Variants in ZFPM2 observed in about 807,000 individuals in gnomAD.
The protein encoded by ZFPM2 is zinc finger protein ZFPM2.
Under a neutral mutation model 98.6 loss-of-function variants are expected in ZFPM2, and 20 were observed. The ratio of observed to expected loss-of-function variants is 0.20; its 90% confidence interval spans 0.14 to 0.29. ZFPM2 has a LOEUF of 0.29. ZFPM2 is among the 10% of genes least tolerant of loss of function. ZFPM2 has a pLI of 1.00. For synonymous variants in ZFPM2, 518 were observed against 502.7 expected, an observed-to-expected ratio of 1.03 and a Z score of -0.41; for missense variants, 1,310 against 1,388.6, an observed-to-expected ratio of 0.94 and a Z score of 0.90.
Position 105,801,440 on chromosome 8 carries a change from G to A in ZFPM2, c.1358G>A (p.Arg453Lys), listed in dbSNP as rs181764739. ...ACTCAGCTCTTTCTCACGAACCAGA[G>A]ACCAGAGATACAGCCTACAACAAAT... The part of the protein sequence containing the change: ...KKTQLFLTNQ[R>K]PEIQPTTNKQ... Residue 453 changes from arginine to lysine, a missense_variant, in exon 8 of 8, where the codon AGA (arginine) becomes AAA (lysine). Transcript: ENST00000407775. 3.1e-6 allele frequency: 5 copies of A among 1,613,848 alleles called. No individual in the cohort carries two copies. The highest frequency in any genetic ancestry group is 4.5e-5 in the East Asian group (2 of 44,864).
At chr8:105,542,926 G>A (rs1814611297) in intron 3 of ZFPM2, among the ~76,000 whole-genome samples, 1 of 152,088 alleles carries the variant, frequency 6.6e-6, no homozygotes, top group South Asian at 2.1e-4. Flanking sequence ...GTGTGTGAAT[G>A]TATGTGCATG....
intron 4 of ZFPM2, among the ~76,000 whole-genome samples, chr8:105,573,615 A>G (rs1815402865): frequency 6.6e-6 from 1 of 152,224 alleles, no homozygotes; most frequent in Admixed American, 6.5e-5. Context: ...CACATCTGTG[A>G]TCAGTGGCTT....
intron 4 of ZFPM2, among the ~76,000 whole-genome samples, chr8:105,608,691 T>C (rs928150670): frequency 6.6e-6 from 1 of 150,622 alleles, no homozygotes; most frequent in African/African-American, 2.4e-5. Context: ...ACATGTTGAA[T>C]TTGAAATTAT....
chr8:105,800,671 G>T (rs1813973260), intron 7 of ZFPM2, among the ~76,000 whole-genome samples: 2 of 152,100 alleles, frequency 1.3e-5, no homozygotes, highest in Non-Finnish European at 2.9e-5. Context: ...AGAGGCTAAT[G>T]TTATAGTGAG....
intron 1 of ZFPM2, among the ~76,000 whole-genome samples, chr8:105,370,023 T>C (rs776817599): frequency 2.6e-5 from 4 of 152,184 alleles, no homozygotes; most frequent in African/African-American, 4.8e-5. Context: ...GAATAATTTA[T>C]AGTAATATGT....
chr8:105,791,384 G>A (rs1048323976), intron 6 of ZFPM2, among the ~76,000 whole-genome samples: 49 of 152,122 alleles, frequency 3.2e-4, no homozygotes, highest in African/African-American at 1.1e-3. Flanking sequence ...TTATATGCTG[G>A]ATTACATTTA....
chr8:105,674,148 G>A (rs1817646759), intron 5 of ZFPM2, among the ~76,000 whole-genome samples: 1 of 152,140 alleles, frequency 6.6e-6, no homozygotes, highest in African/African-American at 2.4e-5. Flanking sequence ...AAATAATACA[G>A]CAGTTTTCCT....
chr8:105,399,842 C>T (rs761524699), intron 1 of ZFPM2, among the ~76,000 whole-genome samples: 28 of 151,924 alleles, frequency 1.8e-4, no homozygotes, highest in Admixed American at 2.6e-4. Context: ...CTCGGCTCAC[C>T]GCAACCTGTG....
chr8:105,800,631 C>T (rs1360111678), intron 7 of ZFPM2, among the ~76,000 whole-genome samples: 10 of 152,052 alleles, frequency 6.6e-5, no homozygotes, highest in Non-Finnish European at 1.2e-4. Flanking sequence ...TCAATAGCAA[C>T]CCTAATGAAT....
intron 1 of ZFPM2, among the ~76,000 whole-genome samples, chr8:105,415,887 C>G (rs1811670921): frequency 1.3e-5 from 2 of 152,052 alleles, no homozygotes; most frequent in Non-Finnish European, 2.9e-5. Flanking sequence ...AGTTGGTCAT[C>G]AAATGACCTT....
chr8:105,386,520 C>T (rs1340153633), intron 1 of ZFPM2, among the ~76,000 whole-genome samples: 1 of 152,002 alleles, frequency 6.6e-6, no homozygotes, highest in Non-Finnish European at 1.5e-5. Context: ...TGTGTTCAGC[C>T]TTCTGGTGGG....
intron 3 of ZFPM2, among the ~76,000 whole-genome samples, chr8:105,507,628 A>C (rs2130495097): frequency 6.6e-6 from 1 of 152,376 alleles, no homozygotes; most frequent in Middle Eastern, 3.4e-3. Flanking sequence ...ACAATGAAGT[A>C]GCTTTTATTG....
intron 5 of ZFPM2, among the ~76,000 whole-genome samples, chr8:105,685,317 T>C (rs943626198): frequency 1.3e-5 from 2 of 152,096 alleles, no homozygotes; most frequent in African/African-American, 4.8e-5. Flanking sequence ...TTACAGTCAG[T>C]TCACTAAGCA....
At chr8:105,625,082 G>T (rs930416406) in intron 4 of ZFPM2, among the ~76,000 whole-genome samples, 1 of 152,076 alleles carries the variant, frequency 6.6e-6, no homozygotes, top group Non-Finnish European at 1.5e-5. Context: ...AATCTTCCTG[G>T]AATCTCCATT....
chr8:105,399,012 A>C (rs1441188691), intron 1 of ZFPM2, among the ~76,000 whole-genome samples: 3 of 152,138 alleles, frequency 2.0e-5, no homozygotes, highest in Admixed American at 6.5e-5. Flanking sequence ...GGGAAGAGCA[A>C]GTGCAAAGAC....
intron 5 of ZFPM2, among the ~76,000 whole-genome samples, chr8:105,764,184 A>G (rs1812801311): frequency 6.6e-6 from 1 of 151,574 alleles, no homozygotes; most frequent in Admixed American, 6.6e-5. Context: ...AGTGCAATTA[A>G]TTGCCTTGTG....
intron 2 of ZFPM2, among the ~76,000 whole-genome samples, chr8:105,440,652 A>T (rs926110362): frequency 3.9e-5 from 6 of 152,314 alleles, no homozygotes; most frequent in Admixed American, 2.0e-4. Context: ...GGAAGCTGTT[A>T]GCACTTCTGG....
chr8:105,350,843 A>G (rs1812627005), intron 1 of ZFPM2, among the ~76,000 whole-genome samples: 1 of 152,066 alleles, frequency 6.6e-6, no homozygotes, highest in South Asian at 2.1e-4. Flanking sequence ...TCTGTGGAGA[A>G]TTGGTTTCAG....
intron 6 of ZFPM2, among the ~76,000 whole-genome samples, chr8:105,790,870 T>C (rs1007002771): frequency 1.3e-5 from 2 of 152,092 alleles, no homozygotes; most frequent in African/African-American, 4.8e-5. Flanking sequence ...TGAATGGGAG[T>C]TCACTCATGA....
Sources: allele counts gnomAD v4.1 joint callset (sites outside exome capture counted in the v4.1 genomes callset), GRCh38; gene constraint gnomAD v4.1.1; transcripts MANE v1.5; gene names NCBI Gene and HGNC (gene_info 2026-07-23, HGNC 2026-07-21).